The following GLIS3 variants were observed in gnomAD, a reference collection of about 807,000 sequenced individuals.
The protein encoded by GLIS3 is zinc finger protein GLIS3.
A neutral mutation model predicts 78.6 loss-of-function variants in GLIS3; 53 were observed. The observed-to-expected ratio is 0.67, with a 90% CI of 0.54 to 0.85. GLIS3 has a LOEUF of 0.85. GLIS3 is among the 40% of genes least tolerant of loss of function. The pLI is 0.00. For synonymous variants in GLIS3, 684 were observed against 509.9 expected, an observed-to-expected ratio of 1.34 and a Z score of -4.60; for missense variants, 1,703 against 1,231.1, an observed-to-expected ratio of 1.38 and a Z score of -5.74.
intron 4 of GLIS3, among the ~76,000 whole-genome samples, chr9:4,109,062 T>C (rs763827140): frequency 3.3e-5 from 5 of 152,142 alleles, no homozygotes; most frequent in Non-Finnish European, 7.4e-5. Context: ...GCCATTTTGA[T>C]GGGAATTGAT....
chr9:4,401,413 C>G, the GLIS3 span, among the ~76,000 whole-genome samples: 26 of 151,592 alleles, frequency 1.7e-4, no homozygotes, highest in African/African-American at 6.1e-4. Context: ...GCTTAAGCCA[C>G]CACGCCCAGC....
At position 4,250,220 on chromosome 9, in the gene GLIS3, T is replaced by C. The variant is rs556592106; in HGVS notation, c.388+35818A>G. ...TACCAGCACTTCTTTGTACCTCTGG[T>C]AAAATTCGGCTGTGAATCCATCTGG... On this transcript the variant is annotated intron_variant, in intron 2 of 10. Transcript: ENST00000381971. Among the ~76,000 whole-genome samples, 19 of 152,368 alleles carry C rather than the reference T, an allele frequency of 1.2e-4. No homozygotes were observed. The South Asian group carries it at 3.1e-3, about 25-fold the overall frequency.
At chr9:4,288,867 A>G (rs1828216664) in intron 1 of GLIS3, among the ~76,000 whole-genome samples, 1 of 152,204 alleles carries the variant, frequency 6.6e-6, no homozygotes, top group South Asian at 2.1e-4. Flanking sequence ...ACCAGCCTCA[A>G]GACAAAAATA....
At chr9:4,147,835 T>G (rs1250941197) in intron 2 of GLIS3, among the ~76,000 whole-genome samples, 1 of 150,508 alleles carries the variant, frequency 6.6e-6, no homozygotes, top group African/African-American at 2.4e-5. Context: ...AAAAAAATTA[T>G]AACATTCTAA....
At position 4,022,874 on chromosome 9, in the gene GLIS3, G is replaced by T. The variant is rs725336; in HGVS notation, c.1711-85685C>A. ...TCTAGAAAATGCAAACTAATCTACA[G>T]TGACAAAACCCAGATCAGCGGCTGT... On this transcript the variant is annotated intron_variant, in intron 4 of 10. Coordinates refer to ENST00000381971, the MANE Select transcript of GLIS3 (RefSeq NM_001042413.2). Among the ~76,000 whole-genome samples, 470 of 152,284 alleles carry T rather than the reference G, an allele frequency of 3.1e-3. 4 individuals are homozygous for T. The highest frequency in any genetic ancestry group is 0.011 in the African/African-American group (441 of 41,568).
intron 7 of GLIS3, among the ~76,000 whole-genome samples, chr9:3,893,241 AT>A (rs752811290): frequency 1.3e-5 from 2 of 152,180 alleles, no homozygotes; most frequent in Non-Finnish European, 2.9e-5. Flanking sequence ...CTACAAAAAT[AT>A]TTTTACGGCA....
At chr9:4,409,380 T>A in the GLIS3 span, among the ~76,000 whole-genome samples, 2 of 152,282 alleles carry the variant, frequency 1.3e-5, no homozygotes, top group East Asian at 3.9e-4. Context: ...ATTTTTTACT[T>A]AGGGATGTAG....
At chr9:4,144,423 G>A (rs566043047) in intron 2 of GLIS3, among the ~76,000 whole-genome samples, 6 of 152,292 alleles carry the variant, frequency 3.9e-5, no homozygotes, top group East Asian at 1.9e-4. Flanking sequence ...CTGAAGACAG[G>A]AAAGTTGTCA....
intron 2 of GLIS3, among the ~76,000 whole-genome samples, chr9:4,281,483 C>A (rs1415833678): frequency 6.6e-6 from 1 of 152,232 alleles, no homozygotes; most frequent in African/African-American, 2.4e-5. Flanking sequence ...CTCTTTCTGA[C>A]TATATGAATT....
rs376082822 is a variant in GLIS3 at position 4,216,330 on chromosome 9, G to A, written c.388+69708C>T. Among the ~76,000 whole-genome samples the A allele has an allele frequency of 7.9e-5, 12 of 151,978 alleles. No homozygotes were observed. In the South Asian group the frequency reaches 2.1e-3, roughly 26 times the overall value. ...TACTAAAAATACAAAAAAATTAGCC[G>A]GGCGTGGTGGCGGGTGCCTGTAGTC... On this transcript the variant is annotated intron_variant, in intron 2 of 10. Coordinates refer to ENST00000381971, the MANE Select transcript of GLIS3 (RefSeq NM_001042413.2).
intron 4 of GLIS3, among the ~76,000 whole-genome samples, chr9:3,947,301 T>G (rs1816370061): frequency 6.6e-6 from 1 of 152,262 alleles, no homozygotes; most frequent in South Asian, 2.1e-4. Context: ...ATTTATTTAC[T>G]ATGGTGTTTC....
intron 4 of GLIS3, among the ~76,000 whole-genome samples, chr9:3,964,862 T>C (rs2130896624): frequency 6.6e-6 from 1 of 152,270 alleles, no homozygotes; most frequent in East Asian, 1.9e-4. Context: ...ATAGTGAAGG[T>C]TATCTTAAAG....
At chr9:4,087,616 A>G (rs1419679375) in intron 4 of GLIS3, among the ~76,000 whole-genome samples, 3 of 152,218 alleles carry the variant, frequency 2.0e-5, no homozygotes, top group Admixed American at 6.5e-5. Context: ...TTAAAAATAG[A>G]GTTGTATTAA....
the GLIS3 span, among the ~76,000 whole-genome samples, chr9:4,407,729 C>A: frequency 1.3e-5 from 2 of 152,292 alleles, no homozygotes; most frequent in East Asian, 3.9e-4. Flanking sequence ...TCGAGTAATA[C>A]CCCGCAAGCG....
the GLIS3 span, among the ~76,000 whole-genome samples, chr9:4,387,325 C>T: frequency 1.8e-3 from 266 of 151,788 alleles, 3 homozygotes; most frequent in African/African-American, 6.0e-3. Flanking sequence ...TTTTTTTGGT[C>T]AGGTTCTTAC....
chr9:4,173,527 C>CTA (rs1816553268), intron 2 of GLIS3, among the ~76,000 whole-genome samples: 2 of 151,008 alleles, frequency 1.3e-5, no homozygotes, highest in African/African-American at 4.9e-5. Flanking sequence ...AAGTGTATTA[C>CTA]TATATATATA....
intron 2 of GLIS3, among the ~76,000 whole-genome samples, chr9:4,189,705 T>C (rs1163178240): frequency 6.6e-6 from 1 of 152,216 alleles, no homozygotes; most frequent in Non-Finnish European, 1.5e-5. Flanking sequence ...ATATTTAGGA[T>C]AGTTAGCTCT....
chr9:3,998,674 T>C (rs1304332998), intron 4 of GLIS3, among the ~76,000 whole-genome samples: 2 of 151,464 alleles, frequency 1.3e-5, no homozygotes, highest in Admixed American at 1.3e-4. Context: ...CTATTTGATA[T>C]ACAGTTAGAA....
the GLIS3 span, among the ~76,000 whole-genome samples, chr9:4,473,978 C>G: frequency 1.8e-4 from 28 of 151,928 alleles, no homozygotes; most frequent in Admixed American, 6.6e-4. Context: ...TTAGAAGGCT[C>G]AAAATTCATG....
Sources: allele counts gnomAD v4.1 joint callset (sites outside exome capture counted in the v4.1 genomes callset), GRCh38; gene constraint gnomAD v4.1.1; transcripts MANE v1.5; gene names NCBI Gene and HGNC (gene_info 2026-07-23, HGNC 2026-07-21).